The following TMEM135 variants were observed in gnomAD, a reference collection of about 807,000 sequenced individuals.
TMEM135 encodes transmembrane protein 135, also known as peroxisomal membrane protein 52.
A neutral mutation model predicts 60.3 loss-of-function variants in TMEM135; 30 were observed. The ratio of observed to expected loss-of-function variants is 0.50; its 90% CI spans 0.37 to 0.68. The LOEUF (loss-of-function observed/expected upper bound fraction) is 0.68, where lower values mean the gene tolerates loss of function less well. Ranked by LOEUF, TMEM135 falls within the 30% of genes least tolerant of loss-of-function variation. TMEM135 has a pLI of 0.00. For synonymous variants in TMEM135, 190 were observed against 186.7 expected, an observed-to-expected ratio of 1.02 and a Z score of -0.14; for missense variants, 468 against 548.8, an observed-to-expected ratio of 0.85 and a Z score of 1.47.
intron 2 of TMEM135, among the ~76,000 whole-genome samples, chr11:87,070,526 C>T (rs1438624920): frequency 1.3e-5 from 2 of 151,780 alleles, no homozygotes; most frequent in Admixed American, 6.6e-5. Flanking sequence ...CCCAGCTACT[C>T]GGGAGGGGCT....
intron 7 of TMEM135, among the ~76,000 whole-genome samples, chr11:87,301,663 A>G (rs1435368931): frequency 6.6e-6 from 1 of 152,140 alleles, no homozygotes; most frequent in Non-Finnish European, 1.5e-5. Context: ...GTTATTCTTT[A>G]TAAGGGCAAT....
chr11:87,141,452 A>C (rs1293142052), intron 4 of TMEM135, among the ~76,000 whole-genome samples: 1 of 152,180 alleles, frequency 6.6e-6, no homozygotes, highest in Non-Finnish European at 1.5e-5. Flanking sequence ...AGTTTGCTAA[A>C]CTTATGACTA....
intron 8 of TMEM135, among the ~76,000 whole-genome samples, chr11:87,305,162 T>C (rs1256631219): frequency 1.3e-5 from 2 of 152,180 alleles, no homozygotes; most frequent in Admixed American, 1.3e-4. Context: ...AAGTATAAAT[T>C]CCTGTAACCT....
chr11:87,295,924 A>G (rs2135434186), intron 7 of TMEM135, 101 bp downstream of exon 7: 1 of 965,460 alleles, frequency 1.0e-6, no homozygotes, highest in Admixed American at 2.1e-5. Flanking sequence ...ATTTAAACTG[A>G]AAATAATTTT....
chr11:87,042,350 C>T (rs1001251823), intron 1 of TMEM135, among the ~76,000 whole-genome samples: 5 of 152,110 alleles, frequency 3.3e-5, no homozygotes, highest in African/African-American at 1.2e-4. Flanking sequence ...GGGCTTATGA[C>T]CTACAGTCAA....
At chr11:87,218,648 G>A (rs904083843) in intron 5 of TMEM135, among the ~76,000 whole-genome samples, 29 of 152,052 alleles carry the variant, frequency 1.9e-4, no homozygotes, top group African/African-American at 6.5e-4. Context: ...ATTCCAAGCC[G>A]TCAACTCACA....
intron 1 of TMEM135, among the ~76,000 whole-genome samples, chr11:87,053,335 AGAT>A (rs751593753): frequency 4.8e-5 from 7 of 145,014 alleles, no homozygotes; most frequent in Non-Finnish European, 9.2e-5. Context: ...GATTATGAAA[AGAT>A]GATGTGGATT....
chr11:87,169,018 C>T (rs1175946907), intron 5 of TMEM135, among the ~76,000 whole-genome samples: 1 of 151,980 alleles, frequency 6.6e-6, no homozygotes, highest in African/African-American at 2.4e-5. Context: ...GGATAGTTAA[C>T]TCATCTTGTT....
chr11:87,135,625 C>A (rs28822396), intron 4 of TMEM135, among the ~76,000 whole-genome samples: 1 of 151,552 alleles, frequency 6.6e-6, no homozygotes, highest in Non-Finnish European at 1.5e-5. Context: ...CCAAACCATG[C>A]GGTCTTGATA....
At chr11:87,159,936 C>T (rs753103318) in intron 5 of TMEM135, among the ~76,000 whole-genome samples, 2 of 151,904 alleles carry the variant, frequency 1.3e-5, no homozygotes, top group Admixed American at 1.3e-4. Context: ...TTGTATTTAT[C>T]AATATTGGAA....
rs2134537306 is a variant in TMEM135 at position 87,319,307 on chromosome 11, C to T, written c.1177-3C>T. 2 of 1,610,898 alleles carry T rather than the reference C, an allele frequency of 1.2e-6. No individual in the cohort carries two copies. ...TAAAAGAATTCTCAAATTTAATACT[C>T]AGGCTGTCATGGAAGTTCAGACTTT... On this transcript the variant is annotated splice_polypyrimidine_tract_variant and splice_region_variant and intron_variant, in intron 13 of 14. Transcript: ENST00000305494.
chr11:87,153,909 A>G (rs544327275), intron 4 of TMEM135, among the ~76,000 whole-genome samples: 34 of 152,348 alleles, frequency 2.2e-4, no homozygotes, highest in African/African-American at 8.2e-4. Flanking sequence ...ATTAGGGTCT[A>G]AATCCTCAGC....
At chr11:87,236,895 A>AC (rs561966066) in intron 6 of TMEM135, among the ~76,000 whole-genome samples, 1 of 150,984 alleles carries the variant, frequency 6.6e-6, no homozygotes, top group Non-Finnish European at 1.5e-5. Context: ...TATTCTCCCC[A>AC]CCCCCCATTC....
At chr11:87,071,045 A>G (rs1856765405) in intron 2 of TMEM135, among the ~76,000 whole-genome samples, 1 of 152,198 alleles carries the variant, frequency 6.6e-6, no homozygotes, top group South Asian at 2.1e-4. Flanking sequence ...GAGAAGCCAG[A>G]GGGTTTGCAT....
chr11:87,182,046 T>C (rs1212814376), intron 5 of TMEM135, among the ~76,000 whole-genome samples: 1 of 151,568 alleles, frequency 6.6e-6, no homozygotes, highest in Non-Finnish European at 1.5e-5. Context: ...GAAAAAGAAC[T>C]TGAAAAGCAT....
At chr11:87,294,873 A>G (rs1458103058) in intron 6 of TMEM135, among the ~76,000 whole-genome samples, 1 of 139,152 alleles carries the variant, frequency 7.2e-6, no homozygotes, top group Non-Finnish European at 1.6e-5. Flanking sequence ...TCTTGTTTAA[A>G]TATTTTTTTG....
At chr11:87,285,983 C>T (rs7118674) in intron 6 of TMEM135, among the ~76,000 whole-genome samples, 55,534 of 151,778 alleles carry the variant, frequency 0.37, 10,797 homozygotes, top group Non-Finnish European at 0.43. Flanking sequence ...CATAAAAGTT[C>T]TCCAAGTCCT....
rs766116809 is a variant in TMEM135, at chr11:87,321,612, T to C, written c.*279T>C. The C allele has an allele frequency of 1.9e-4, 109 of 576,678 alleles. 1 individual carries two copies. Among genetic ancestry groups the C allele is most frequent in the South Asian group, 1.6e-3 (104 of 65,066 alleles). The allele number at this position is 576,678 out of a possible 1,614,324, so 35.7% of individuals were successfully genotyped here. On this transcript the variant is annotated 3_prime_UTR_variant, in exon 15 of 15. Coordinates refer to ENST00000305494, the MANE Select transcript of TMEM135 (RefSeq NM_022918.4). ...CAAATTATGTCCACAAGCAATATTA[T>C]ATAATCTACGTAGAAGTGTAATAAC...
chr11:87,109,690 T>A (rs1043356463), intron 4 of TMEM135, among the ~76,000 whole-genome samples: 1 of 152,162 alleles, frequency 6.6e-6, no homozygotes, highest in Non-Finnish European at 1.5e-5. Context: ...TATATGTCAG[T>A]TTTATCTTAA....
Sources: allele counts gnomAD v4.1 joint callset (sites outside exome capture counted in the v4.1 genomes callset), GRCh38; gene constraint gnomAD v4.1.1; transcripts MANE v1.5; gene names NCBI Gene and HGNC (gene_info 2026-07-23, HGNC 2026-07-21).